Variants in TUBG2 observed in about 807,000 individuals in gnomAD.
TUBG2 encodes tubulin gamma 2.
In TUBG2, 39 loss-of-function variants were observed where a neutral mutation model predicts 55.1. The ratio of observed to expected loss-of-function variants is 0.71; its 90% CI spans 0.55 to 0.93. The LOEUF (loss-of-function observed/expected upper bound fraction) is 0.93. TUBG2 is among the 40% of genes least tolerant of loss of function. The pLI is 0.00. For missense variants in TUBG2, 358 were observed against 599.1 expected, an observed-to-expected ratio of 0.60 and a Z score of 4.20; for synonymous variants, 223 against 241.0, an observed-to-expected ratio of 0.93 and a Z score of 0.69.
At chr17:42,659,747 C>G in intron 1 of TUBG2, 87 bp from the exon 2 acceptor site, 3 of 1,545,040 alleles carry the variant, frequency 1.9e-6, no homozygotes, top group Non-Finnish European at 2.7e-6. Context: ...TGGGTCCACC[C>G]TCTGATCGTG....
Position 42,666,475 on chromosome 17 carries a change from C to G in TUBG2, c.1149C>G (p.Ser383Arg). The G allele has an allele frequency of 6.2e-7, 1 of 1,614,132 alleles. No homozygotes were observed. The highest frequency in any genetic ancestry group is 8.5e-7 in the Non-Finnish European group (1 of 1,179,974). Reference sequence around the variant, plus strand: ...GGCTCATGATGGCCAACCACACCAGCATCTCCTCGGTGAGTCTAGGTTTCT... The same window carrying G: ...GGCTCATGATGGCCAACCACACCAGGATCTCCTCGGTGAGTCTAGGTTTCT... ...VSGLMMANHT[S>R]ISSLFESSCQ... Residue 383 changes from serine (S) to arginine (R), a missense_variant, in exon 10 of 11, where the codon AGC (serine) becomes AGG (arginine). By Grantham distance (110) the Ser-to-Arg change is moderately radical. Coordinates refer to ENST00000251412, the MANE Select transcript of TUBG2 (RefSeq NM_016437.3).
chr17:42,661,605 A>G (rs1006791069), intron 4 of TUBG2, among the ~76,000 whole-genome samples: 1 of 152,262 alleles, frequency 6.6e-6, no homozygotes, highest in Admixed American at 6.5e-5. Context: ...AGGAAGGTGA[A>G]CAAGAACACA....
At chr17:42,664,548 T>C (rs1288272452) in intron 6 of TUBG2, among the ~76,000 whole-genome samples, 1 of 152,084 alleles carries the variant, frequency 6.6e-6, no homozygotes. Context: ...TATTCTTAGC[T>C]CAAGGATAAC....
chr17:42,659,645 C>G (rs545669766), intron 1 of TUBG2, 93 bp downstream of exon 1: 3 of 1,411,804 alleles, frequency 2.1e-6, no homozygotes, highest in East Asian at 5.0e-5. Context: ...CCTTTCCCTT[C>G]CATGAACCCC....
chr17:42,666,410 A>G lies in TUBG2; in HGVS notation c.1084A>G (p.Arg362Gly). The G allele has an allele frequency of 6.2e-7, 1 of 1,614,156 alleles. No homozygotes were observed. The highest frequency in any genetic ancestry group is 1.1e-5 in the South Asian group (1 of 91,090). The change falls in exon 10 of 11, where the codon AGG becomes GGG. Residue 362 changes from arginine to glycine, a missense_variant. Arg to Gly is a moderately radical substitution (Grantham distance 125). This residue lies in a region of TUBG2 where 129 missense variants were observed against 251.6 expected (regional missense o/e 0.51). Transcript: ENST00000251412. ...CGCCAGCATCCAGGTGGCCCTGTCG[A>G]GGAAGTCTCCCTACCTGCCCTCGGC... ...GPASIQVALSRKSPYLPSAHR... is the reference protein window; with the variant it reads ...GPASIQVALSGKSPYLPSAHR...
intron 4 of TUBG2, among the ~76,000 whole-genome samples, chr17:42,661,714 G>GT (rs144895926): frequency 0.012 from 1,894 of 152,346 alleles, 44 homozygotes; most frequent in African/African-American, 0.043. Flanking sequence ...TCATCTGGCT[G>GT]TTTATTTGTA....
Position 42,659,872 on chromosome 17 carries a change from G to C in TUBG2, c.88G>C (p.Gly30Arg). 6.2e-7 allele frequency: 1 copy of C among 1,614,054 alleles called. No homozygotes were observed. Among genetic ancestry groups the C allele is most frequent in the Non-Finnish European group, 8.5e-7 (1 of 1,180,014 alleles). The change falls in exon 2 of 11, where the codon GGT becomes CGT. Residue 30 changes from glycine to arginine, a missense_variant. Transcript: ENST00000251412. Reference sequence around the variant, plus strand: ...CTGGAAACAGCTGTGCGCCGAGCATGGTATCAGCCCCGAGGGCATCGTGGA... The same window carrying C: ...CTGGAAACAGCTGTGCGCCGAGCATCGTATCAGCCCCGAGGGCATCGTGGA... ...EFWKQLCAEHGISPEGIVEEF... is the reference protein window; with the variant it reads ...EFWKQLCAEHRISPEGIVEEF...
At chr17:42,662,948 T>C (rs2143518981) in intron 4 of TUBG2, 25 bp from the exon 5 acceptor site, 1 of 1,605,944 alleles carries the variant, frequency 6.2e-7, no homozygotes, top group Non-Finnish European at 8.5e-7. Context: ...AGAAACTGAG[T>C]CTGTTTATTC....
rs939349237 is a variant in TUBG2, at chr17:42,659,433, T to C, written c.-71T>C. ...GCGCGCTCCCCACGTCCTGCGCTCC[T>C]GGCTGCCGGGCATTCGTCTCAGCCG... On this transcript the variant is annotated 5_prime_UTR_variant, in exon 1 of 11. Transcript: ENST00000251412. 2.7e-6 allele frequency: 4 copies of C among 1,494,024 alleles called. No individual in the cohort carries two copies. Among genetic ancestry groups the C allele is most frequent in the African/African-American group, 1.4e-5 (1 of 71,414 alleles). 92.5% of individuals were successfully genotyped at this position (1,494,024 alleles called of 1,614,324 possible). A position where few individuals can be genotyped will look rare whatever the true frequency, so the allele number is the denominator to read the frequency against.
In TUBG2 at chr17:42,659,416, C is replaced by G; in HGVS notation, c.-88C>G. ...CAAGAGGCGAAGAGAGCGCGCGCTC[C>G]CCACGTCCTGCGCTCCTGGCTGCCG... On this transcript the variant is annotated 5_prime_UTR_variant, in exon 1 of 11. Coordinates refer to ENST00000251412, the MANE Select transcript of TUBG2 (RefSeq NM_016437.3). 7.1e-7 allele frequency: 1 copy of G among 1,401,526 alleles called. No individual in the cohort carries two copies. Among genetic ancestry groups the G allele is most frequent in the Non-Finnish European group, 9.6e-7 (1 of 1,037,934 alleles). The allele number at this position is 1,401,526 out of a possible 1,614,324, so 86.8% of individuals were successfully genotyped here.
intron 1 of TUBG2, 82 bp downstream of exon 1, chr17:42,659,634 C>T (rs2052334782): frequency 6.9e-7 from 1 of 1,449,790 alleles, no homozygotes; most frequent in Non-Finnish European, 9.3e-7. Flanking sequence ...CCACCAGTCC[C>T]CCTTTCCCTT....
At chr17:42,663,965 G>A (rs1426442311) in intron 6 of TUBG2, among the ~76,000 whole-genome samples, 1 of 143,658 alleles carries the variant, frequency 7.0e-6, no homozygotes, top group Non-Finnish European at 1.5e-5. Context: ...AAATTAGCCA[G>A]TCCTGGTAGC....
rs553949673 is a variant in TUBG2 at position 42,665,468 on chromosome 17, C to T, written c.607-8C>T. The T allele has an allele frequency of 9.9e-6, 16 of 1,614,074 alleles. No individual in the cohort carries two copies. The highest frequency in any genetic ancestry group is 1.3e-5 in the African/African-American group (1 of 75,002). ...TCAAGATGCTGTGATGCTCTTCTGT[C>T]CCCCCAGGTGGTGCTGGACAACACA... On this transcript the variant is annotated splice_region_variant and splice_polypyrimidine_tract_variant and intron_variant, in intron 6 of 10. Transcript: ENST00000251412.
rs757277528 is a variant in TUBG2, at chr17:42,659,967, G to A, written c.162+21G>A. ...ACCAGGTGCCCCCAGCGACTTGGCC[G>A]GGGGCGGCAGTGGCCCAAGGGGGCG... is the stretch of plus-strand genomic sequence containing the variant. On this transcript the variant is annotated intron_variant, in intron 2 of 10. Coordinates refer to ENST00000251412, the MANE Select transcript of TUBG2 (RefSeq NM_016437.3). 1.6e-5 allele frequency: 26 copies of A among 1,586,046 alleles called. No individual in the cohort carries two copies. The Admixed American group carries it at 1.9e-4, about 11-fold the overall frequency.
In TUBG2 at chr17:42,663,473, CAA is replaced by C. The variant is rs753042257; in HGVS notation, c.577_578del (p.Lys193GlufsTer59). 6.8e-6 allele frequency: 11 copies of C among 1,613,968 alleles called. No homozygotes were observed. The highest frequency in any genetic ancestry group is 3.4e-6 in the Non-Finnish European group (4 of 1,180,002). ...AGCCCTACAATTCACTCCTGACACT[CAA>C]GAGGCTGACGCAGAACGCAGATTGT... is the stretch of plus-strand genomic sequence containing the variant. ...VQPYNSLLTL[K>X]RLTQNADCVV... On this transcript the variant is annotated frameshift_variant, in exon 6 of 11. Coordinates refer to ENST00000251412, the MANE Select transcript of TUBG2 (RefSeq NM_016437.3). LOFTEE classifies it high-confidence loss of function.
intron 1 of TUBG2, 110 bp from the exon 2 acceptor site, chr17:42,659,724 A>C: frequency 1.4e-6 from 2 of 1,453,024 alleles, no homozygotes; most frequent in South Asian, 2.6e-5. Flanking sequence ...GCAGCTACCA[A>C]ACCCAGGCAT....
In TUBG2 at chr17:42,663,514, A is replaced by G. The variant is rs368391190; in HGVS notation, c.606+11A>G. On this transcript the variant is annotated intron_variant, in intron 6 of 10. Transcript: ENST00000251412. ...AACGCAGATTGTGTGGTGAGCAAAG[A>G]AAGAGTTGAGGGGCTGGGTGTGGTG... 151 of 1,613,420 alleles carry G rather than the reference A, an allele frequency of 9.4e-5. No individual in the cohort carries two copies. Among genetic ancestry groups the G allele is most frequent in the Non-Finnish European group, 1.2e-4 (147 of 1,179,602 alleles).
intron 1 of TUBG2, 76 bp downstream of exon 1, chr17:42,659,628 C>T (rs2143511575): frequency 8.9e-6 from 13 of 1,467,946 alleles, no homozygotes; most frequent in Non-Finnish European, 1.1e-5. Flanking sequence ...TGGCTTCCAC[C>T]AGTCCCCCTT....
chr17:42,666,466 C>A lies in TUBG2; in HGVS notation c.1140C>A (p.Asn380Lys). The change falls in exon 10 of 11, where the codon AAC becomes AAA. Residue 380 changes from asparagine to lysine, a missense_variant. Transcript: ENST00000251412. ...AHRVSGLMMA[N>K]HTSISSLFES... ...GGGTCAGCGGGCTCATGATGGCCAA[C>A]CACACCAGCATCTCCTCGGTGAGTC... 6.2e-7 allele frequency: 1 copy of A among 1,614,146 alleles called. No homozygotes were observed.
Sources: allele counts gnomAD v4.1 joint callset (sites outside exome capture counted in the v4.1 genomes callset), GRCh38; gene constraint gnomAD v4.1.1; regional missense constraint gnomAD v4.1.1; transcripts MANE v1.5; gene names NCBI Gene and HGNC (gene_info 2026-07-23, HGNC 2026-07-21).